THAP6: variants seen among roughly 807,000 people sequenced by gnomAD.
THAP6 encodes the protein THAP domain containing 6, also known as THAP domain-containing protein 6.
THAP6 carries 13 observed loss-of-function variants against 20.0 expected under a neutral mutation model. The ratio of observed to expected loss-of-function variants is 0.65; its 90% CI spans 0.42 to 1.03. THAP6 has a LOEUF of 1.03. Among genes scored for constraint, THAP6 ranks in the 50% least tolerant of loss-of-function variants. THAP6 has a pLI of 0.00. For synonymous variants in THAP6, 93 were observed against 92.2 expected, an observed-to-expected ratio of 1.01 and a Z score of -0.05; for missense variants, 262 against 261.6, an observed-to-expected ratio of 1.00 and a Z score of -0.01.
chr4:75,521,767 A>G lies in THAP6; in HGVS notation c.320A>G (p.Asn107Ser). Residue 107 changes from asparagine (N) to serine (S), a missense_variant, in exon 4 of 5, where the codon AAC becomes AGC. Physicochemically the swap from Asn to Ser is conservative, Grantham distance 46. Coordinates refer to ENST00000311638, the MANE Select transcript of THAP6 (RefSeq NM_144721.6). Reference protein sequence around the residue: ...GKREKLHCRKNFTLKTVPATN... With the variant: ...GKREKLHCRKSFTLKTVPATN... ...AGAGAAAAACTTCATTGTAGAAAAA[A>G]CTTCACCCTCAAAACCGTTCCAGCC... 6.2e-7 allele frequency: 1 copy of G among 1,612,646 alleles called. No homozygotes were observed. Among genetic ancestry groups the G allele is most frequent in the Non-Finnish European group, 8.5e-7 (1 of 1,179,176 alleles).
chr4:75,535,522 C>G (rs1326394427), intron 2 of THAP6, among the ~76,000 whole-genome samples: 2 of 152,284 alleles, frequency 1.3e-5, no homozygotes, highest in Non-Finnish European at 2.9e-5. Flanking sequence ...CTATTCTGCT[C>G]TAACCCAGAG....
Position 75,528,735 on chromosome 4 carries a change from A to G in THAP6, c.*1521A>G. On this transcript the variant is annotated 3_prime_UTR_variant, in exon 5 of 5. Transcript: ENST00000311638. The stretch of plus-strand genomic sequence containing the variant: ...GGCCATATCTTTTTACAATCTGAAA[A>G]AAAAGTAGTAAAAAGGTAGTTAAAA... 5.1e-6 allele frequency: 5 copies of G among 974,308 alleles called. No homozygotes were observed. The highest frequency in any genetic ancestry group is 6.0e-6 in the Non-Finnish European group (5 of 828,198). The allele number at this position is 974,308 out of a possible 1,614,324, so 60.4% of individuals were successfully genotyped here. A position where few individuals can be genotyped will look rare whatever the true frequency, so the allele number is the denominator to read the frequency against.
chr4:75,543,651 C>A (rs935121085), intron 3 of THAP6, among the ~76,000 whole-genome samples: 2 of 152,106 alleles, frequency 1.3e-5, no homozygotes, highest in Admixed American at 6.5e-5. Context: ...ATTCCTGGAA[C>A]CAAGAGAGTA....
downstream of THAP6, among the ~76,000 whole-genome samples, chr4:75,533,741 T>A (rs1726761259): frequency 6.6e-6 from 1 of 152,042 alleles, no homozygotes; most frequent in South Asian, 2.1e-4. Context: ...AAACTCCTGT[T>A]GTTGTTTTTT....
downstream of THAP6, among the ~76,000 whole-genome samples, chr4:75,534,886 C>T (rs1481330642): frequency 2.6e-5 from 4 of 152,096 alleles, no homozygotes; most frequent in Admixed American, 1.3e-4. Context: ...GTTAGAAGGG[C>T]GATCATTAAA....
intron 4 of THAP6, among the ~76,000 whole-genome samples, chr4:75,523,578 T>C (rs560251493): frequency 6.2e-4 from 94 of 152,046 alleles, no homozygotes; most frequent in South Asian, 1.2e-3. Context: ...CCAAGGTGGA[T>C]AGATTGCTTG....
At chr4:75,517,812 A>G (rs552597283) in intron 3 of THAP6, 1 of 152,356 alleles carries the variant, frequency 6.6e-6, no homozygotes, top group African/African-American at 2.4e-5. Context: ...TTTTCTGGGT[A>G]ATATTCCCAT....
chr4:75,523,328 C>G (rs1383531789), intron 4 of THAP6, among the ~76,000 whole-genome samples: 2 of 151,760 alleles, frequency 1.3e-5, no homozygotes, highest in South Asian at 2.1e-4. Flanking sequence ...TTTTTTGAGC[C>G]CCTTATATAT....
At chr4:75,518,363 T>C (rs575077646) in intron 3 of THAP6, among the ~76,000 whole-genome samples, 1 of 152,364 alleles carries the variant, frequency 6.6e-6, no homozygotes, top group East Asian at 1.9e-4. Flanking sequence ...TTTGTAATTA[T>C]CCGTAAATAT....
At position 75,516,964 on chromosome 4, in the gene THAP6, T is replaced by A. The variant is rs1192423161; in HGVS notation, c.273T>A (p.Ser91=). The A allele has an allele frequency of 6.2e-7, 1 of 1,610,836 alleles. No homozygotes were observed. Among genetic ancestry groups the A allele is most frequent in the African/African-American group, 1.3e-5 (1 of 74,598 alleles). ...GAGTCATACCTTCTATCTTTGATTC[T>A]CCATATCACCTACAGGTTTGTTTAT... ...KPGVIPSIFD[S]PYHLQGKREK... is the part of the protein sequence containing the mutation. The change falls in exon 3 of 5, where the codon TCT becomes TCA. Residue 91 remains serine (S), a synonymous_variant. Transcript: ENST00000311638.
rs967030061 is a variant in THAP6 at position 75,529,615 on chromosome 4, T to C, written c.*2401T>C. On this transcript the variant is annotated 3_prime_UTR_variant, in exon 5 of 5. Transcript: ENST00000311638. The stretch of plus-strand genomic sequence containing the variant: ...ATCTCAGTCCTCTGTTCCCAGAGAT[T>C]CCACCCTAGCCCAGGAAAGAACTGG... 1.0e-6 allele frequency: 1 copy of C among 985,296 alleles called. No homozygotes were observed. Among genetic ancestry groups the C allele is most frequent in the East Asian group, 1.1e-4 (1 of 8,826 alleles). 61.0% of individuals were successfully genotyped at this position (985,296 alleles called of 1,614,324 possible). A position where few individuals can be genotyped will look rare whatever the true frequency, so the allele number is the denominator to read the frequency against.
At chr4:75,525,641 C>T (rs1395774159) in intron 4 of THAP6, among the ~76,000 whole-genome samples, 1 of 152,108 alleles carries the variant, frequency 6.6e-6, no homozygotes, top group East Asian at 1.9e-4. Context: ...TATTTGCATG[C>T]CTGGTAAATT....
intron 3 of THAP6, among the ~76,000 whole-genome samples, chr4:75,519,339 T>A (rs1417128870): frequency 1.3e-5 from 2 of 151,642 alleles, no homozygotes; most frequent in African/African-American, 2.4e-5. Flanking sequence ...TTTTTTTTTT[T>A]AATTATGCTT....
At position 75,516,995 on chromosome 4, in the gene THAP6, ACT is replaced by A. The variant is rs757574192; in HGVS notation, c.288+17_288+18del. 4.8e-6 allele frequency: 7 copies of A among 1,467,656 alleles called. No homozygotes were observed. The highest frequency in any genetic ancestry group is 6.6e-6 in the Non-Finnish European group (7 of 1,067,116). 90.9% of individuals were successfully genotyped at this position (1,467,656 alleles called of 1,614,324 possible). A position where few individuals can be genotyped will look rare whatever the true frequency, so the allele number is the denominator to read the frequency against. On this transcript the variant is annotated intron_variant, in intron 3 of 4. Coordinates refer to ENST00000311638, the MANE Select transcript of THAP6 (RefSeq NM_144721.6). ...TCACCTACAGGTTTGTTTATGAGATACTGTTTACCATCATTGCTCACTTTTTT... is the reference window on the plus strand; with the variant it reads ...TCACCTACAGGTTTGTTTATGAGATAGTTTACCATCATTGCTCACTTTTTT...
chr4:75,541,827 G>A (rs758121018), intron 2 of THAP6, among the ~76,000 whole-genome samples: 20 of 151,990 alleles, frequency 1.3e-4, no homozygotes, highest in Non-Finnish European at 2.6e-4. Flanking sequence ...ATGGTAGCAG[G>A]CACCTGTAAT....
chr4:75,542,282 A>G lies in THAP6; in HGVS notation c.166-127A>G, dbSNP rs114116935. ...ACCTCACAATACAGCTTTCCAACTG[A>G]CCCAATACCTCAGAAAACTAAAGAA... is the stretch of plus-strand genomic sequence containing the variant. On this transcript the variant is annotated intron_variant, in intron 2 of 4. Coordinates refer to the THAP6 transcript ENST00000502620. 1,001 of 599,688 alleles carry G rather than the reference A, an allele frequency of 1.7e-3. 11 individuals are homozygous for G. The highest frequency in any genetic ancestry group is 0.017 in the African/African-American group (894 of 54,138). The allele number at this position is 599,688 out of a possible 1,614,324, so 37.1% of individuals were successfully genotyped here.
intron 3 of THAP6, among the ~76,000 whole-genome samples, chr4:75,521,074 A>G (rs1249567526): frequency 6.7e-6 from 1 of 150,266 alleles, no homozygotes; most frequent in Non-Finnish European, 1.5e-5. Flanking sequence ...TTTCTCCCAC[A>G]TTCCTTCCCA....
intron 3 of THAP6, 92 bp from the exon 4 acceptor site, chr4:75,521,644 T>C: frequency 7.7e-7 from 1 of 1,296,950 alleles, no homozygotes. Flanking sequence ...AAATGTGGTA[T>C]TAACTTCACT....
At chr4:75,521,884 T>C in intron 4 of THAP6, 23 bp downstream of exon 4, 1 of 1,612,812 alleles carries the variant, frequency 6.2e-7, no homozygotes, top group Non-Finnish European at 8.5e-7. Flanking sequence ...CTTGCTGAGC[T>C]CATGTTAATT....
Sources: gnomAD v4.1 joint callset for allele counts (sites outside exome capture counted in the v4.1 genomes callset) on GRCh38, gnomAD v4.1.1 for gene constraint, MANE v1.5 for transcripts, NCBI Gene and HGNC (gene_info 2026-07-23, HGNC 2026-07-21) for gene names.